SRGAP1: variants seen among roughly 807,000 people sequenced by gnomAD.
SRGAP1 encodes SLIT-ROBO Rho GTPase-activating protein 1.
SRGAP1 carries 43 observed loss-of-function variants against 121.9 expected under a neutral mutation model. The observed-to-expected ratio is 0.35, with a 90% CI of 0.28 to 0.46. The LOEUF (loss-of-function observed/expected upper bound fraction) is 0.46. Ranked by LOEUF, SRGAP1 falls within the 20% of genes least tolerant of loss-of-function variation. The probability of loss-of-function intolerance (pLI) is 1.00; values close to 1 mark genes in which losing one functional copy is unlikely to be tolerated. For synonymous variants in SRGAP1, 447 were observed against 485.4 expected, an observed-to-expected ratio of 0.92 and a Z score of 1.04; for missense variants, 1,102 against 1,350.9, an observed-to-expected ratio of 0.82 and a Z score of 2.89.
intron 4 of SRGAP1, among the ~76,000 whole-genome samples, chr12:64,036,458 G>A (rs2034906174): frequency 6.6e-6 from 1 of 152,130 alleles, no homozygotes; most frequent in South Asian, 2.1e-4. Flanking sequence ...TTTATCTTAG[G>A]TAGTTGATAA....
chr12:64,019,064 A>T (rs2034480319), intron 4 of SRGAP1, among the ~76,000 whole-genome samples: 2 of 152,218 alleles, frequency 1.3e-5, no homozygotes, highest in African/African-American at 4.8e-5. Flanking sequence ...GCTGGTTGTC[A>T]TGCCATCTTG....
chr12:63,855,473 G>GTTTTTTGTTTTTTTTT (rs1899208078), intron 1 of SRGAP1, among the ~76,000 whole-genome samples: 1 of 52,898 alleles, frequency 1.9e-5, no homozygotes, highest in African/African-American at 7.1e-5. Flanking sequence ...GAAAAATGGT[G>GTTTTTTGTTTTTTTTT]TTTTTTTTTT....
Position 63,911,450 on chromosome 12 carries a change from C to A in SRGAP1, c.67+66567C>A, listed in dbSNP as rs112673569. On this transcript the variant is annotated intron_variant, in intron 1 of 21. Transcript: ENST00000355086. ...TCAACCTTGCATCTATCTCTGCACC[C>A]ATCCATGTAGTTGTGGTGGTGTTTT... Among the ~76,000 whole-genome samples, 14 of 152,172 alleles carry A rather than the reference C, an allele frequency of 9.2e-5. 1 individual carries two copies. Among genetic ancestry groups the A allele is most frequent in the Non-Finnish European group, 1.9e-4 (13 of 68,032 alleles).
chr12:64,022,299 G>A (rs2136474039), intron 4 of SRGAP1, among the ~76,000 whole-genome samples: 1 of 152,292 alleles, frequency 6.6e-6, no homozygotes, highest in Non-Finnish European at 1.5e-5. Flanking sequence ...TCTTGTCTGA[G>A]TTCAGGCCTG....
At chr12:63,905,618 C>T (rs1490752771) in intron 1 of SRGAP1, among the ~76,000 whole-genome samples, 1 of 152,186 alleles carries the variant, frequency 6.6e-6, no homozygotes, top group Non-Finnish European at 1.5e-5. Context: ...AGAGTCAGTA[C>T]GTCGGAAAGG....
intron 1 of SRGAP1, among the ~76,000 whole-genome samples, chr12:63,972,679 T>C (rs1201550525): frequency 6.6e-6 from 1 of 152,242 alleles, no homozygotes. Context: ...CAAAACTTTA[T>C]GTTAATTAGA....
intron 4 of SRGAP1, among the ~76,000 whole-genome samples, chr12:64,031,964 C>T (rs958988206): frequency 6.6e-6 from 1 of 152,132 alleles, no homozygotes; most frequent in Non-Finnish European, 1.5e-5. Flanking sequence ...GTTTGTTGTT[C>T]ATAGACCTTT....
intron 1 of SRGAP1, among the ~76,000 whole-genome samples, chr12:63,940,337 G>A (rs886250738): frequency 2.0e-5 from 3 of 149,348 alleles, no homozygotes; most frequent in African/African-American, 7.4e-5. Flanking sequence ...TTCTTTTTCT[G>A]TGGCCCAGCC....
At chr12:64,110,812 A>G (rs761324429) in intron 16 of SRGAP1, among the ~76,000 whole-genome samples, 2 of 152,196 alleles carry the variant, frequency 1.3e-5, no homozygotes, top group Non-Finnish European at 2.9e-5. Flanking sequence ...TGTATTTTCT[A>G]CTTCCTAGAC....
chr12:63,873,662 AT>A (rs145224796), intron 1 of SRGAP1, among the ~76,000 whole-genome samples: 14,544 of 151,566 alleles, frequency 0.096, 914 homozygotes, highest in Middle Eastern at 0.16. Context: ...ATTAGATTTT[AT>A]TTTATTTATT....
chr12:64,112,115 C>A, intron 17 of SRGAP1, 129 bp downstream of exon 17: 1 of 734,162 alleles, frequency 1.4e-6, no homozygotes, highest in Non-Finnish European at 2.2e-6. Flanking sequence ...AGCAGTAAAA[C>A]TTGAAATAAA....
chr12:63,902,691 A>G (rs1016985657), intron 1 of SRGAP1, among the ~76,000 whole-genome samples: 1 of 152,248 alleles, frequency 6.6e-6, no homozygotes, highest in Admixed American at 6.5e-5. Context: ...AAACTTTGAA[A>G]CAAAATGACA....
At chr12:64,019,241 A>G (rs1042583986) in intron 4 of SRGAP1, among the ~76,000 whole-genome samples, 2 of 152,162 alleles carry the variant, frequency 1.3e-5, no homozygotes, top group African/African-American at 4.8e-5. Flanking sequence ...CAGCCTATCG[A>G]TTGCACCTAG....
chr12:63,860,644 TTAA>T (rs1174583117), intron 1 of SRGAP1, among the ~76,000 whole-genome samples: 3 of 152,254 alleles, frequency 2.0e-5, no homozygotes, highest in Non-Finnish European at 4.4e-5. Flanking sequence ...CTCTTTTCTG[TTAA>T]TAACAAATGT....
At chr12:64,085,827 C>G (rs114420755) in intron 10 of SRGAP1, among the ~76,000 whole-genome samples, 1,570 of 152,306 alleles carry the variant, frequency 0.01, 25 homozygotes, top group African/African-American at 0.035. Flanking sequence ...CTTCCCTTCC[C>G]TTCATCCCCA....
chr12:63,913,454 C>CATATATATATATATATATAT (rs570506869), intron 1 of SRGAP1, among the ~76,000 whole-genome samples: 4 of 124,100 alleles, frequency 3.2e-5, no homozygotes, highest in African/African-American at 8.9e-5. Flanking sequence ...ACTGTGTCCA[C>CATATATATATATATATATAT]ATATATATAT....
intron 8 of SRGAP1, among the ~76,000 whole-genome samples, chr12:64,076,699 T>C (rs1454249916): frequency 6.6e-6 from 1 of 151,854 alleles, no homozygotes; most frequent in Admixed American, 6.6e-5. Context: ...CAGGCTGGAG[T>C]GCAGTGGCAC....
intron 4 of SRGAP1, among the ~76,000 whole-genome samples, chr12:64,028,860 G>C (rs539661544): frequency 2.0e-5 from 3 of 152,338 alleles, no homozygotes; most frequent in African/African-American, 4.8e-5. Context: ...AGATGTGATA[G>C]AAGAGTGGGG....
intron 1 of SRGAP1, among the ~76,000 whole-genome samples, chr12:63,968,907 C>T (rs1350528203): frequency 6.6e-6 from 1 of 152,138 alleles, no homozygotes; most frequent in African/African-American, 2.4e-5. Flanking sequence ...GGCAGAGGCT[C>T]AATGCCATCC....
Sources: allele counts gnomAD v4.1 joint callset (sites outside exome capture counted in the v4.1 genomes callset), GRCh38; gene constraint gnomAD v4.1.1; transcripts MANE v1.5; gene names NCBI Gene and HGNC (gene_info 2026-07-23, HGNC 2026-07-21).